Variants in CEP44 observed in about 807,000 individuals in gnomAD.
The protein encoded by CEP44 is centrosomal protein of 44 kDa.
Under a neutral mutation model 46.7 loss-of-function variants are expected in CEP44, and 45 were observed. The ratio of observed to expected loss-of-function variants is 0.96; its 90% CI spans 0.76 to 1.24. The LOEUF is 1.24. CEP44 is among the 50% of genes most tolerant of loss of function. The probability of loss-of-function intolerance (pLI) is 0.00; values close to 1 mark genes in which losing one functional copy is unlikely to be tolerated. For missense variants in CEP44, 475 were observed against 459.7 expected (o/e 1.03, Z -0.30); for synonymous variants, 142 against 146.0 (o/e 0.97, Z 0.20).
Position 174,304,235 on chromosome 4 carries a change from C to CTT in CEP44, c.385-4_385-3dup. 2 of 1,545,952 alleles carry CTT rather than the reference C, an allele frequency of 1.3e-6. No homozygotes were observed. Among genetic ancestry groups the CTT allele is most frequent in the Non-Finnish European group, 1.7e-6 (2 of 1,150,622 alleles). On this transcript the variant is annotated splice_polypyrimidine_tract_variant and intron_variant, in intron 5 of 11. Transcript: ENST00000503780. Reference sequence around the variant, plus strand: ...CAAAATTTGTTATTTTGACTAATACCTTTTTTTTTAGATTCCATCACAACA... The same window carrying CTT: ...CAAAATTTGTTATTTTGACTAATACCTTTTTTTTTTTAGATTCCATCACAACA...
At chr4:174,308,203 A>G (rs1740654550) in intron 6 of CEP44, among the ~76,000 whole-genome samples, 2 of 152,180 alleles carry the variant, frequency 1.3e-5, no homozygotes, top group South Asian at 4.1e-4. Context: ...GCTAAATACA[A>G]TAGCAAAGAC....
Position 174,302,198 on chromosome 4 carries a change from T to C in CEP44, c.237+12T>C. The C allele has an allele frequency of 6.5e-7, 1 of 1,548,600 alleles. No homozygotes were observed. The highest frequency in any genetic ancestry group is 1.2e-5 in the South Asian group (1 of 84,080). On this transcript the variant is annotated intron_variant, in intron 4 of 11. Transcript: ENST00000503780. ...ATGCTGTCTATAAGGTATTTTGAGT[T>C]TATCAAACAATAACTATTAGTTATT...
Position 174,316,162 on chromosome 4 carries a change from A to T in CEP44, c.962-4A>T, listed in dbSNP as rs778692955. On this transcript the variant is annotated splice_region_variant and splice_polypyrimidine_tract_variant and intron_variant, in intron 9 of 11. Coordinates refer to ENST00000503780, the MANE Select transcript of CEP44 (RefSeq NM_001040157.3). ...AGGTAATCTAAAACTTAATTTCTTC[A>T]CAGACAGAAAAAGCGAAGTAGAGAG... is the stretch of plus-strand genomic sequence containing the variant. 5 of 1,610,716 alleles carry T rather than the reference A, an allele frequency of 3.1e-6. No homozygotes were observed. Among genetic ancestry groups the T allele is most frequent in the Non-Finnish European group, 4.2e-6 (5 of 1,179,266 alleles).
At chr4:174,293,513 G>T (rs1738475593) in intron 1 of CEP44, among the ~76,000 whole-genome samples, 2 of 152,154 alleles carry the variant, frequency 1.3e-5, no homozygotes, top group Non-Finnish European at 2.9e-5. Flanking sequence ...GTCACATACA[G>T]ATCATTTACA....
At chr4:174,305,445 C>T (rs553632238) in intron 6 of CEP44, among the ~76,000 whole-genome samples, 1 of 152,196 alleles carries the variant, frequency 6.6e-6, no homozygotes, top group East Asian at 1.9e-4. Flanking sequence ...CAGAGCGAGA[C>T]TCCATCTCAA....
chr4:174,308,729 A>G lies in CEP44; in HGVS notation c.548A>G (p.Asn183Ser), dbSNP rs184443103. ...VVIRHLYNED[N>S]VDISEDTLSP... ...ATTCGTCACTTGTATAATGAAGATA[A>G]TGTTGACATTTCTGAGGATACATTA... The change falls in exon 7 of 12, where the codon AAT (asparagine) becomes AGT (serine). Residue 183 changes from asparagine (N) to serine (S), a missense_variant. Transcript: ENST00000503780. 1.4e-5 allele frequency: 23 copies of G among 1,612,722 alleles called. No individual in the cohort carries two copies. The Admixed American group carries it at 1.5e-4, about 11-fold the overall frequency.
rs1739798718 is a variant in CEP44, at chr4:174,302,154, A to C, written c.205A>C (p.Asn69His). ...ATCCAATGTAGAGCTCATAGCAAAA[A>C]ATGACTTGCGCTTTATAGATGCTGT... Reference protein sequence around the residue: ...MESNVELIAKNDLRFIDAVYK... With the variant: ...MESNVELIAKHDLRFIDAVYK... The change falls in exon 4 of 12, where the codon AAT (asparagine) becomes CAT (histidine). Residue 69 changes from asparagine to histidine, a missense_variant. Asn to His is a moderately conservative substitution (Grantham distance 68). Transcript: ENST00000503780. The C allele has an allele frequency of 6.2e-7, 1 of 1,608,638 alleles. No individual in the cohort carries two copies. The highest frequency in any genetic ancestry group is 1.3e-5 in the African/African-American group (1 of 74,884).
At chr4:174,300,350 A>G (rs1412348456) in intron 3 of CEP44, among the ~76,000 whole-genome samples, 1 of 152,192 alleles carries the variant, frequency 6.6e-6, no homozygotes, top group African/African-American at 2.4e-5. Context: ...GATGTAATCC[A>G]TGTATGTAAA....
downstream of CEP44, among the ~76,000 whole-genome samples, chr4:174,323,810 C>T (rs1742481891): frequency 1.3e-5 from 2 of 152,082 alleles, no homozygotes; most frequent in South Asian, 4.1e-4. Context: ...GGCATTCATA[C>T]AGGCCATTGG....
rs1276780855 is a variant in CEP44 at position 174,329,555 on chromosome 4, C to T, written c.1087-1927C>T. On this transcript the variant is annotated intron_variant, in intron 8 of 8. Transcript: ENST00000426172. The surrounding 1 kb of genome is among the most constrained non-coding windows in gnomAD (Gnocchi z 4.0). ...TTGGTATTTTAGCATTATCTTGCTT[C>T]CAGGATAATGTTCTCACACTTTATA... is the stretch of plus-strand genomic sequence containing the variant. Among the ~76,000 whole-genome samples the T allele has an allele frequency of 6.6e-6, 1 of 152,072 alleles. No homozygotes were observed. Among genetic ancestry groups the T allele is most frequent in the East Asian group, 1.9e-4 (1 of 5,194 alleles).
At chr4:174,292,677 C>T (rs1273964831) in intron 1 of CEP44, among the ~76,000 whole-genome samples, 1 of 151,980 alleles carries the variant, frequency 6.6e-6, no homozygotes, top group Non-Finnish European at 1.5e-5. Flanking sequence ...TTTTTTAGTT[C>T]AGTCATTGTA....
At chr4:174,307,013 A>G (rs948442659) in intron 6 of CEP44, among the ~76,000 whole-genome samples, 2 of 152,218 alleles carry the variant, frequency 1.3e-5, no homozygotes, top group African/African-American at 4.8e-5. Flanking sequence ...GGAAGAATCA[A>G]TATTGTTAAA....
At chr4:174,303,308 A>G (rs1423752214) in intron 4 of CEP44, among the ~76,000 whole-genome samples, 1 of 152,156 alleles carries the variant, frequency 6.6e-6, no homozygotes, top group Non-Finnish European at 1.5e-5. Context: ...CAAAAGGCCT[A>G]CTGACGTATC....
intron 1 of CEP44, among the ~76,000 whole-genome samples, chr4:174,291,158 A>G (rs1350469090): frequency 1.3e-5 from 2 of 152,088 alleles, no homozygotes; most frequent in East Asian, 3.8e-4. Context: ...ATTTTTAATA[A>G]TTAAGTACTT....
At chr4:174,304,202 C>T in intron 5 of CEP44, 45 bp from the exon 6 acceptor site, 2 of 1,545,858 alleles carry the variant, frequency 1.3e-6, no homozygotes, top group African/African-American at 1.4e-5. Context: ...TATAATTATG[C>T]TTTCACACAA....
intron 1 of CEP44, among the ~76,000 whole-genome samples, chr4:174,289,780 T>G (rs1252384005): frequency 6.6e-6 from 1 of 152,080 alleles, no homozygotes; most frequent in Non-Finnish European, 1.5e-5. Context: ...AATTTTGGAT[T>G]TAGTTTGTTC....
intron 9 of CEP44, among the ~76,000 whole-genome samples, chr4:174,315,725 C>G (rs1287650185): frequency 1.3e-5 from 2 of 151,770 alleles, no homozygotes; most frequent in African/African-American, 2.4e-5. Flanking sequence ...CCTGTAGTCC[C>G]AGCTACTCGG....
In CEP44 at chr4:174,329,329, G is replaced by GAC. The variant is rs972894746; in HGVS notation, c.1087-2143_1087-2142dup. ...TGGGAAAGCCCTTTGCTCAAACACA[G>GAC]ACACACACACAGACACACACACACA... On this transcript the variant is annotated intron_variant, in intron 8 of 8. Coordinates refer to the CEP44 transcript ENST00000426172. The surrounding 1 kb of genome is among the most constrained non-coding windows in gnomAD (Gnocchi z 4.0). Among the ~76,000 whole-genome samples, 3 of 148,526 alleles carry GAC rather than the reference G, an allele frequency of 2.0e-5. No individual in the cohort carries two copies. The highest frequency in any genetic ancestry group is 2.1e-4 in the South Asian group (1 of 4,716).
chr4:174,316,107 T>G, intron 9 of CEP44, 59 bp from the exon 10 acceptor site: 1 of 1,569,086 alleles, frequency 6.4e-7, no homozygotes, highest in South Asian at 1.2e-5. Context: ...AATAATATTT[T>G]TAGATATTTG....
Sources: gnomAD v4.1 joint callset for allele counts (sites outside exome capture counted in the v4.1 genomes callset) on GRCh38, gnomAD v4.1.1 for gene constraint, Gnocchi (gnomAD v3.1) non-coding constraint, MANE v1.5 for transcripts, NCBI Gene and HGNC (gene_info 2026-07-23, HGNC 2026-07-21) for gene names.